The following BRINP1 variants were observed in gnomAD, a reference collection of about 807,000 sequenced individuals.
The protein encoded by BRINP1 is BMP/retinoic acid-inducible neural-specific protein 1.
A neutral mutation model predicts 72.9 loss-of-function variants in BRINP1; 17 were observed. That is an observed-to-expected ratio of 0.23 (90% CI 0.16 to 0.35). The LOEUF (loss-of-function observed/expected upper bound fraction) is 0.35. Among genes scored for constraint, BRINP1 ranks in the 10% least tolerant of loss-of-function variants. The pLI, the probability that BRINP1 is intolerant of heterozygous loss-of-function variation, is 1.00. For synonymous variants in BRINP1, 418 were observed against 378.5 expected (o/e 1.10, Z -1.21); for missense variants, 850 against 1,001.6 (o/e 0.85, Z 2.04).
chr9:119,301,175 G>T (rs1341500768), intron 2 of BRINP1, among the ~76,000 whole-genome samples: 5 of 152,132 alleles, frequency 3.3e-5, no homozygotes, highest in Admixed American at 1.3e-4. Flanking sequence ...TTCAAACATG[G>T]ATAACCTCAA....
intron 7 of BRINP1, among the ~76,000 whole-genome samples, chr9:119,171,543 A>G (rs1182886424): frequency 6.7e-6 from 1 of 149,976 alleles, no homozygotes; most frequent in Non-Finnish European, 1.5e-5. Context: ...GGAGACTTTA[A>G]CACCCCACTG....
At position 119,167,649 on chromosome 9, in the gene BRINP1, C is replaced by A; in HGVS notation, c.1721G>T (p.Gly574Val). The change falls in exon 8 of 8, where the codon GGC (glycine) becomes GTC (valine). Residue 574 changes from glycine (G) to valine (V), a missense_variant. Transcript: ENST00000265922. This position sits in a 1 kb window ranked among gnomAD's most constrained non-coding sequence, Gnocchi z 4.3. The stretch of plus-strand genomic sequence containing the variant: ...AAATTCCCCGAAGGGCATGTTCCAG[C>A]CCTCCGAATGGCTCCCGCTAAAGGG... ...VNPFSGSHSE[G>V]WNMPFGEFGY... The A allele has an allele frequency of 6.2e-7, 1 of 1,614,076 alleles. No homozygotes were observed.
rs747926500 is a variant in BRINP1 at position 119,318,037 on chromosome 9, C to T, written c.-50-4632G>A. Reference sequence around the variant, plus strand: ...TTTGCTTTATTGTGGTCATCTGGAACGCAACCTACAAATCTCTGAGATATG... The same window carrying T: ...TTTGCTTTATTGTGGTCATCTGGAATGCAACCTACAAATCTCTGAGATATG... On this transcript the variant is annotated intron_variant, in intron 1 of 7. Coordinates refer to ENST00000265922, the MANE Select transcript of BRINP1 (RefSeq NM_014618.3). Among the ~76,000 whole-genome samples, 25 of 152,288 alleles carry T rather than the reference C, an allele frequency of 1.6e-4. 1 individual carries two copies. Among genetic ancestry groups the T allele is most frequent in the Non-Finnish European group, 3.4e-4 (23 of 68,024 alleles).
At chr9:119,177,821 A>C (rs1170880278) in intron 7 of BRINP1, among the ~76,000 whole-genome samples, 1 of 152,220 alleles carries the variant, frequency 6.6e-6, no homozygotes, top group Non-Finnish European at 1.5e-5. Context: ...CCTCTGAGAT[A>C]CATTCGCGAG....
At chr9:119,169,601 G>A (rs1016174390) in intron 7 of BRINP1, among the ~76,000 whole-genome samples, 23 of 152,288 alleles carry the variant, frequency 1.5e-4, no homozygotes, top group African/African-American at 3.9e-4. Context: ...CAAAGCAGCC[G>A]GGAAGCTCGA....
At chr9:119,367,221 G>T (rs118103437) in intron 1 of BRINP1, among the ~76,000 whole-genome samples, 197 of 99,782 alleles carry the variant, frequency 2.0e-3, no homozygotes, top group East Asian at 7.8e-3. Context: ...GTGTGTGATT[G>T]ATATATATAT....
chr9:119,169,258 G>A (rs144754078), intron 7 of BRINP1, among the ~76,000 whole-genome samples: 146 of 152,312 alleles, frequency 9.6e-4, no homozygotes, highest in African/African-American at 3.3e-3. Flanking sequence ...GTGGGCGCAG[G>A]TCATTGGGTG....
At chr9:119,205,606 C>T (rs768950596) in intron 7 of BRINP1, among the ~76,000 whole-genome samples, 9 of 152,152 alleles carry the variant, frequency 5.9e-5, no homozygotes, top group Non-Finnish European at 1.0e-4. Flanking sequence ...CAGTGTTACT[C>T]CTATTACCCA....
At chr9:119,251,179 TAAGTC>T (rs1830383358) in intron 2 of BRINP1, among the ~76,000 whole-genome samples, 2 of 152,180 alleles carry the variant, frequency 1.3e-5, no homozygotes, top group Non-Finnish European at 2.9e-5. Flanking sequence ...TGCAGGTACT[TAAGTC>T]AATCAACTGC....
chr9:119,304,282 C>T (rs989536265), intron 2 of BRINP1, among the ~76,000 whole-genome samples: 8 of 152,132 alleles, frequency 5.3e-5, no homozygotes, highest in East Asian at 1.9e-4. Context: ...GTTTAAGCAA[C>T]GTGCCTAAGA....
intron 1 of BRINP1, among the ~76,000 whole-genome samples, chr9:119,358,802 T>G (rs948808946): frequency 6.6e-6 from 1 of 152,190 alleles, no homozygotes; most frequent in Admixed American, 6.5e-5. Context: ...GGTCTTTACA[T>G]CTATATCTCA....
At chr9:119,270,727 G>A (rs1830597969) in intron 2 of BRINP1, among the ~76,000 whole-genome samples, 1 of 152,172 alleles carries the variant, frequency 6.6e-6, no homozygotes, top group South Asian at 2.1e-4. Context: ...AGACATCCAA[G>A]CGGACATGTC....
chr9:119,319,568 G>T (rs1033589759), intron 1 of BRINP1, among the ~76,000 whole-genome samples: 4 of 152,180 alleles, frequency 2.6e-5, no homozygotes, highest in African/African-American at 9.6e-5. Context: ...CTGTGCTGGA[G>T]ACTCCAGATA....
At chr9:119,178,211 C>T (rs1829510575) in intron 7 of BRINP1, among the ~76,000 whole-genome samples, 1 of 152,062 alleles carries the variant, frequency 6.6e-6, no homozygotes, top group South Asian at 2.1e-4. Context: ...AGAGCCCAGG[C>T]GGGGGTTCCT....
At position 119,356,110 on chromosome 9, in the gene BRINP1, TCAGTCACACTGGTTTCTGTATACACTGA is replaced by T. The variant is rs150863402; in HGVS notation, c.-51+12918_-51+12945del. ...CCTACTTCCTATTGGTTATTCCACT[TCAGTCACACTGGTTTCTGTATACACTGA>T]CAGTCCCATCTCAAAAATGTTATGC... On this transcript the variant is annotated intron_variant, in intron 1 of 7. Transcript: ENST00000265922. 4.1e-3 allele frequency among the ~76,000 whole-genome samples: 618 copies of T among 152,314 alleles called. 3 individuals carry two copies. The highest frequency in any genetic ancestry group is 6.8e-3 in the Non-Finnish European group (464 of 68,022).
intron 7 of BRINP1, among the ~76,000 whole-genome samples, chr9:119,181,447 T>C (rs1179569026): frequency 6.6e-6 from 1 of 152,210 alleles, no homozygotes; most frequent in Non-Finnish European, 1.5e-5. Flanking sequence ...ATAAGTCACC[T>C]GACCTCTTTG....
intron 2 of BRINP1, among the ~76,000 whole-genome samples, chr9:119,252,477 T>G (rs183465953): frequency 6.6e-6 from 1 of 151,828 alleles, no homozygotes. Context: ...TATATACATA[T>G]AATTATGAGG....
intron 7 of BRINP1, among the ~76,000 whole-genome samples, chr9:119,171,152 G>A (rs1435475500): frequency 6.7e-6 from 1 of 149,616 alleles, no homozygotes; most frequent in Non-Finnish European, 1.5e-5. Flanking sequence ...AAATGTAAAT[G>A]GACTAAATGC....
intron 1 of BRINP1, among the ~76,000 whole-genome samples, chr9:119,359,253 G>GCATGA (rs1214779338): frequency 2.0e-5 from 3 of 152,262 alleles, no homozygotes; most frequent in East Asian, 3.9e-4. Context: ...AATTGCAGTG[G>GCATGA]CATGATCACA....
Sources: gnomAD v4.1 joint callset for allele counts (sites outside exome capture counted in the v4.1 genomes callset) on GRCh38, gnomAD v4.1.1 for gene constraint, Gnocchi (gnomAD v3.1) non-coding constraint, MANE v1.5 for transcripts, NCBI Gene and HGNC (gene_info 2026-07-23, HGNC 2026-07-21) for gene names.